The following HEXIM1 variants were observed in gnomAD, a reference collection of about 807,000 sequenced individuals.
HEXIM1 encodes the protein HEXIM P-TEFb complex subunit 1, also known as protein HEXIM1.
Under a neutral mutation model 30.3 loss-of-function variants are expected in HEXIM1, and 1 was observed. The observed-to-expected ratio is 0.03, with a 90% CI of 0.01 to 0.16. The LOEUF (loss-of-function observed/expected upper bound fraction) is 0.16, where lower values mean the gene tolerates loss of function less well. Ranked by LOEUF, HEXIM1 falls within the 10% of genes least tolerant of loss-of-function variation. HEXIM1 has a pLI of 1.00. For missense variants in HEXIM1, 391 were observed against 476.4 expected (o/e 0.82, Z 1.67); for synonymous variants, 245 against 208.3 (o/e 1.18, Z -1.52).
In HEXIM1 at chr17:45,149,473, G is replaced by T. The variant is rs1208304257; in HGVS notation, c.283G>T (p.Asp95Tyr). Residue 95 changes from aspartate to tyrosine, a missense_variant, in exon 1 of 1, where the codon GAC (aspartate) becomes TAC (tyrosine). Asp to Tyr is a radical substitution (Grantham distance 160, BLOSUM62 -3). Transcript: ENST00000332499. The surrounding 1 kb of genome is among the most constrained non-coding windows in gnomAD (Gnocchi z 5.3). ...AGAGGGCGAGAAGGGCCAGAATGGG[G>T]ACGACTCGTCCGCTGGCGGCGACTT... ...LREGEKGQNG[D>Y]DSSAGGDFPP... The T allele has an allele frequency of 6.2e-7, 1 of 1,612,286 alleles. No homozygotes were observed. Among genetic ancestry groups the T allele is most frequent in the Non-Finnish European group, 8.5e-7 (1 of 1,179,618 alleles).
In HEXIM1 at chr17:45,148,595, A is replaced by ACTGAG. The variant is rs1894888816; in HGVS notation, c.-594_-590dup. ...GGAAAAGAGGAGGAGGCGGAGGAGA[A>ACTGAG]CTGAGCAGAGCAGAGCATCGAGCCA... On this transcript the variant is annotated 5_prime_UTR_variant, in exon 1 of 1. Transcript: ENST00000332499. 1 of 399,444 alleles carries ACTGAG rather than the reference A, an allele frequency of 2.5e-6. No homozygotes were observed. The highest frequency in any genetic ancestry group is 1.2e-4 in the South Asian group (1 of 8,062). 24.7% of individuals were successfully genotyped at this position (399,444 alleles called of 1,614,324 possible). A position where few individuals can be genotyped will look rare whatever the true frequency, so the allele number is the denominator to read the frequency against.
At position 45,150,465 on chromosome 17, in the gene HEXIM1, C is replaced by T. The variant is rs1248138079; in HGVS notation, c.*195C>T. 2 of 576,654 alleles carry T rather than the reference C, an allele frequency of 3.5e-6. No homozygotes were observed. Among genetic ancestry groups the T allele is most frequent in the Non-Finnish European group, 6.0e-6 (2 of 335,180 alleles). 35.7% of individuals were successfully genotyped at this position (576,654 alleles called of 1,614,324 possible). A position where few individuals can be genotyped will look rare whatever the true frequency, so the allele number is the denominator to read the frequency against. On this transcript the variant is annotated 3_prime_UTR_variant, in exon 1 of 1. Coordinates refer to ENST00000332499, the MANE Select transcript of HEXIM1 (RefSeq NM_006460.3). ...CTCCTGTTCTTTTAATTATGTGAAA[C>T]TGAAGAGTTGCTTTTCTTGTTTTCC...
At position 45,149,619 on chromosome 17, in the gene HEXIM1, G is replaced by A. The variant is rs1383021839; in HGVS notation, c.429G>A (p.Gln143=). ...CAGGGGGCGAAGAGGAGTGGGGACA[G>A]CAGCAGAGACAGCTGGGGAAGAAAA... The part of the protein sequence containing the change: ...PAAGGEEEWG[Q]QQRQLGKKKH... Residue 143 remains glutamine, a synonymous_variant, in exon 1 of 1, where the codon CAG becomes CAA. Transcript: ENST00000332499. This position sits in a 1 kb window ranked among gnomAD's most constrained non-coding sequence, Gnocchi z 5.3. The A allele has an allele frequency of 6.2e-7, 1 of 1,613,106 alleles. No individual in the cohort carries two copies. Among genetic ancestry groups the A allele is most frequent in the East Asian group, 2.2e-5 (1 of 44,844 alleles).
chr17:45,150,109 C>A lies in HEXIM1; in HGVS notation c.919C>A (p.Arg307=), dbSNP rs764751866. The A allele has an allele frequency of 9.3e-6, 15 of 1,613,794 alleles. No homozygotes were observed. The highest frequency in any genetic ancestry group is 2.2e-5 in the South Asian group (2 of 91,082). Residue 307 remains arginine (R), a synonymous_variant, in exon 1 of 1, where the codon CGG becomes AGG. Coordinates refer to ENST00000332499, the MANE Select transcript of HEXIM1 (RefSeq NM_006460.3). The part of the protein sequence containing the change: ...CLSRMEDENN[R]LRLESKRLGG... ...CTCGCGCATGGAGGACGAGAACAAC[C>A]GGCTGCGGCTGGAGAGCAAGCGGCT... is the stretch of plus-strand genomic sequence containing the variant.
In HEXIM1 at chr17:45,149,129, C is replaced by A; in HGVS notation, c.-62C>A. The A allele has an allele frequency of 6.9e-7, 1 of 1,453,366 alleles. No individual in the cohort carries two copies. The highest frequency in any genetic ancestry group is 1.3e-5 in the South Asian group (1 of 75,260). The allele number at this position is 1,453,366 out of a possible 1,614,324, so 90.0% of individuals were successfully genotyped here. Reference sequence around the variant, plus strand: ...TCTTTTTCTTTTTTTTAAGAAAAACCCATTTTTTTCCTTAAGGACTTACTA... The same window carrying A: ...TCTTTTTCTTTTTTTTAAGAAAAACACATTTTTTTCCTTAAGGACTTACTA... On this transcript the variant is annotated 5_prime_UTR_variant, in exon 1 of 1. Coordinates refer to ENST00000332499, the MANE Select transcript of HEXIM1 (RefSeq NM_006460.3). This position sits in a 1 kb window ranked among gnomAD's most constrained non-coding sequence, Gnocchi z 5.3.
rs528029450 is a variant in HEXIM1 at position 45,151,228 on chromosome 17, T to C, written c.*958T>C. The C allele has an allele frequency of 6.0e-6, 1 of 167,148 alleles. No homozygotes were observed. The highest frequency in any genetic ancestry group is 2.4e-5 in the African/African-American group (1 of 41,558). 10.4% of individuals were successfully genotyped at this position (167,148 alleles called of 1,614,324 possible). ...ACGTTCAGAGGTAAGAAATACTGGA[T>C]TTATAAAGCAAATGGCTGTTTGGGG... On this transcript the variant is annotated 3_prime_UTR_variant, in exon 1 of 1. Transcript: ENST00000332499.
chr17:45,149,119 T>TTTTAAAAAA lies in HEXIM1; in HGVS notation c.-72_-71insTTTAAAAAA. The TTTTAAAAAA allele has an allele frequency of 7.0e-7, 1 of 1,430,766 alleles. No homozygotes were observed. The highest frequency in any genetic ancestry group is 2.3e-5 in the Admixed American group (1 of 44,302). 88.6% of individuals were successfully genotyped at this position (1,430,766 alleles called of 1,614,324 possible). A position where few individuals can be genotyped will look rare whatever the true frequency, so the allele number is the denominator to read the frequency against. On this transcript the variant is annotated 5_prime_UTR_variant, in exon 1 of 1. Transcript: ENST00000332499. This position sits in a 1 kb window ranked among gnomAD's most constrained non-coding sequence, Gnocchi z 5.3. ...GTTTTTTTTTTCTTTTTCTTTTTTTTAAGAAAAACCCATTTTTTTCCTTAA... is the reference window on the plus strand; with the variant it reads ...GTTTTTTTTTTCTTTTTCTTTTTTTTTTTAAAAAAAAGAAAAACCCATTTTTTTCCTTAA...
chr17:45,149,465 A>T lies in HEXIM1; in HGVS notation c.275A>T (p.Gln92Leu). The stretch of plus-strand genomic sequence containing the variant: ...TGCCTGAGAGAGGGCGAGAAGGGCC[A>T]GAATGGGGACGACTCGTCCGCTGGC... ...SSCLREGEKG[Q>L]NGDDSSAGGD... Residue 92 changes from glutamine to leucine, a missense_variant, in exon 1 of 1, where the codon CAG becomes CTG. Physicochemically the swap from Gln to Leu is moderately radical, Grantham distance 113 (BLOSUM62 -2). This residue lies in a region of HEXIM1 where 230 missense variants were observed against 199.4 expected (regional missense o/e 1.15). Coordinates refer to ENST00000332499, the MANE Select transcript of HEXIM1 (RefSeq NM_006460.3). The surrounding 1 kb of genome is among the most constrained non-coding windows in gnomAD (Gnocchi z 5.3). 1 of 1,612,680 alleles carries T rather than the reference A, an allele frequency of 6.2e-7. No homozygotes were observed. The highest frequency in any genetic ancestry group is 1.1e-5 in the South Asian group (1 of 91,068).
chr17:45,150,114 G>C lies in HEXIM1; in HGVS notation c.924G>C (p.Leu308=), dbSNP rs1444308966. ...LSRMEDENNR[L]RLESKRLGGD... ...GCATGGAGGACGAGAACAACCGGCT[G>C]CGGCTGGAGAGCAAGCGGCTGGGTG... is the stretch of plus-strand genomic sequence containing the variant. The change falls in exon 1 of 1, where the codon CTG becomes CTC. Residue 308 remains leucine, a synonymous_variant. Transcript: ENST00000332499. 2 of 1,613,716 alleles carry C rather than the reference G, an allele frequency of 1.2e-6. No homozygotes were observed. The highest frequency in any genetic ancestry group is 2.7e-5 in the African/African-American group (2 of 74,930).
chr17:45,149,426 G>C lies in HEXIM1; in HGVS notation c.236G>C (p.Cys79Ser), dbSNP rs1419783939. 1 of 1,613,262 alleles carries C rather than the reference G, an allele frequency of 6.2e-7. No homozygotes were observed. The highest frequency in any genetic ancestry group is 2.2e-5 in the East Asian group (1 of 44,846). Residue 79 changes from cysteine (C) to serine (S), a missense_variant, in exon 1 of 1, where the codon TGT becomes TCT. Physicochemically the swap from Cys to Ser is moderately radical, Grantham distance 112. Around this residue, in one of 5 missense-constraint regions of HEXIM1, gnomAD observed 230 missense variants for 199.4 expected, o/e 1.15. Transcript: ENST00000332499. The surrounding 1 kb of genome is among the most constrained non-coding windows in gnomAD (Gnocchi z 5.3). ...CCACCTCCCTTGCAGACCCAGGCCT[G>C]TCCAGAATCTAGCTGCCTGAGAGAG... ...SQPPPLQTQA[C>S]PESSCLREGE...
Position 45,149,664 on chromosome 17 carries a change from C to G in HEXIM1, c.474C>G (p.Ser158=), listed in dbSNP as rs2055531001. 3.1e-6 allele frequency: 5 copies of G among 1,612,198 alleles called. No individual in the cohort carries two copies. The highest frequency in any genetic ancestry group is 4.2e-6 in the Non-Finnish European group (5 of 1,179,978). ...AGAAAAAACATAGGAGACGCCCGTC[C>G]AAGAAGAAGCGGCATTGGAAACCGT... The part of the protein sequence containing the change: ...LGKKKHRRRP[S]KKKRHWKPYY... Residue 158 remains serine, a synonymous_variant, in exon 1 of 1, where the codon TCC becomes TCG. Transcript: ENST00000332499. This position sits in a 1 kb window ranked among gnomAD's most constrained non-coding sequence, Gnocchi z 5.3.
At position 45,149,094 on chromosome 17, in the gene HEXIM1, G is replaced by GC. The variant is rs2055525687; in HGVS notation, c.-97_-96insC. ...AAACTGAAGAGGACTCTGTTGGACT[G>GC]TTTTTTTTTTCTTTTTCTTTTTTTT... is the stretch of plus-strand genomic sequence containing the variant. On this transcript the variant is annotated 5_prime_UTR_variant, in exon 1 of 1. Coordinates refer to ENST00000332499, the MANE Select transcript of HEXIM1 (RefSeq NM_006460.3). The surrounding 1 kb of genome is among the most constrained non-coding windows in gnomAD (Gnocchi z 5.3). The GC allele has an allele frequency of 1.0e-6, 1 of 995,666 alleles. No individual in the cohort carries two copies. The highest frequency in any genetic ancestry group is 1.9e-5 in the African/African-American group (1 of 53,858). 61.7% of individuals were successfully genotyped at this position (995,666 alleles called of 1,614,324 possible). A position where few individuals can be genotyped will look rare whatever the true frequency, so the allele number is the denominator to read the frequency against.
In HEXIM1 at chr17:45,149,316, G is replaced by A. The variant is rs2055528111; in HGVS notation, c.126G>A (p.Glu42=). 1.2e-6 allele frequency: 2 copies of A among 1,613,558 alleles called. No homozygotes were observed. Among genetic ancestry groups the A allele is most frequent in the Non-Finnish European group, 1.7e-6 (2 of 1,179,868 alleles). The part of the protein sequence containing the change: ...RPPGAEERVP[E]EDSRWQSRAF... ...CAGGCGCGGAGGAGCGGGTGCCCGA[G>A]GAGGACAGTAGGTGGCAATCGAGAG... Residue 42 remains glutamate, a synonymous_variant, in exon 1 of 1, where the codon GAG becomes GAA. Coordinates refer to ENST00000332499, the MANE Select transcript of HEXIM1 (RefSeq NM_006460.3). This position sits in a 1 kb window ranked among gnomAD's most constrained non-coding sequence, Gnocchi z 5.3.
Position 45,150,550 on chromosome 17 carries a change from G to A in HEXIM1, c.*280G>A, listed in dbSNP as rs1230995428. 3 of 387,884 alleles carry A rather than the reference G, an allele frequency of 7.7e-6. No homozygotes were observed. Among genetic ancestry groups the A allele is most frequent in the Non-Finnish European group, 1.4e-5 (3 of 208,858 alleles). 24.0% of individuals were successfully genotyped at this position (387,884 alleles called of 1,614,324 possible). On this transcript the variant is annotated 3_prime_UTR_variant, in exon 1 of 1. Transcript: ENST00000332499. ...TTTGACCAAGTTATAATGCATTTTT[G>A]TTTTTAACAAATCCCCTCCTTAAAC...
At position 45,149,108 on chromosome 17, in the gene HEXIM1, T is replaced by TTC; in HGVS notation, c.-82_-81insCT. The TTC allele has an allele frequency of 7.5e-7, 1 of 1,338,626 alleles. No individual in the cohort carries two copies. The highest frequency in any genetic ancestry group is 1.0e-6 in the Non-Finnish European group (1 of 991,178). The allele number at this position is 1,338,626 out of a possible 1,614,324, so 82.9% of individuals were successfully genotyped here. ...TCTGTTGGACTGTTTTTTTTTTCTT[T>TTC]TTCTTTTTTTTAAGAAAAACCCATT... is the stretch of plus-strand genomic sequence containing the variant. On this transcript the variant is annotated 5_prime_UTR_variant, in exon 1 of 1. Coordinates refer to ENST00000332499, the MANE Select transcript of HEXIM1 (RefSeq NM_006460.3). This position sits in a 1 kb window ranked among gnomAD's most constrained non-coding sequence, Gnocchi z 5.3.
Position 45,150,272 on chromosome 17 carries a change from C to G in HEXIM1, c.*2C>G. On this transcript the variant is annotated 3_prime_UTR_variant, in exon 1 of 1. Transcript: ENST00000332499. ...CCGCTTTCCAAGTTTGGAGACTAGA[C>G]TGAAACTTTTTTGGGGGAGGGGGCA... 6.2e-7 allele frequency: 1 copy of G among 1,604,886 alleles called. No homozygotes were observed. Among genetic ancestry groups the G allele is most frequent in the East Asian group, 2.2e-5 (1 of 44,652 alleles).
Position 45,148,585 on chromosome 17 carries a change from G to A in HEXIM1, c.-606G>A. On this transcript the variant is annotated 5_prime_UTR_variant, in exon 1 of 1. Coordinates refer to ENST00000332499, the MANE Select transcript of HEXIM1 (RefSeq NM_006460.3). ...GAGGGAGGGAGGAAAAGAGGAGGAG[G>A]CGGAGGAGAACTGAGCAGAGCAGAG... 1 of 399,578 alleles carries A rather than the reference G, an allele frequency of 2.5e-6. No individual in the cohort carries two copies. The highest frequency in any genetic ancestry group is 4.4e-6 in the Non-Finnish European group (1 of 226,526). The allele number at this position is 399,578 out of a possible 1,614,324, so 24.8% of individuals were successfully genotyped here. A position where few individuals can be genotyped will look rare whatever the true frequency, so the allele number is the denominator to read the frequency against.
In HEXIM1 at chr17:45,149,334, A is replaced by G; in HGVS notation, c.144A>G (p.Gln48=). 1 of 1,613,552 alleles carries G rather than the reference A, an allele frequency of 6.2e-7. No individual in the cohort carries two copies. The highest frequency in any genetic ancestry group is 8.5e-7 in the Non-Finnish European group (1 of 1,179,956). ...ERVPEEDSRW[Q]SRAFPQLGGR... ...TGCCCGAGGAGGACAGTAGGTGGCA[A>G]TCGAGAGCGTTCCCCCAGTTGGGTG... Residue 48 remains glutamine, a synonymous_variant, in exon 1 of 1, where the codon CAA becomes CAG. Transcript: ENST00000332499. This position sits in a 1 kb window ranked among gnomAD's most constrained non-coding sequence, Gnocchi z 5.3.
At position 45,149,892 on chromosome 17, in the gene HEXIM1, C is replaced by T; in HGVS notation, c.702C>T (p.Asp234=). ...LYSKRAAAKS[D]DTSDDDFMEE... is the part of the protein sequence containing the mutation. ...CCAAGCGGGCCGCCGCCAAATCCGA[C>T]GACACCAGCGATGACGACTTCATGG... Residue 234 remains aspartate, a synonymous_variant, in exon 1 of 1, where the codon GAC becomes GAT. Coordinates refer to ENST00000332499, the MANE Select transcript of HEXIM1 (RefSeq NM_006460.3). This position sits in a 1 kb window ranked among gnomAD's most constrained non-coding sequence, Gnocchi z 5.3. 1 of 1,613,714 alleles carries T rather than the reference C, an allele frequency of 6.2e-7. No individual in the cohort carries two copies. The highest frequency in any genetic ancestry group is 1.3e-5 in the African/African-American group (1 of 74,944).
Sources: allele counts gnomAD v4.1 joint callset, GRCh38; gene constraint gnomAD v4.1.1; regional missense constraint gnomAD v4.1.1; non-coding constraint Gnocchi (gnomAD v3.1); transcripts MANE v1.5; gene names NCBI Gene and HGNC (gene_info 2026-07-23, HGNC 2026-07-21).